Variants in CNTN4 observed in about 807,000 individuals in gnomAD.
CNTN4 encodes the protein contactin-4.
A neutral mutation model predicts 122.5 loss-of-function variants in CNTN4; 77 were observed. The observed-to-expected ratio is 0.63, with a 90% CI of 0.52 to 0.76. CNTN4 has a LOEUF of 0.76. CNTN4 is among the 30% of genes least tolerant of loss of function. CNTN4 has a pLI of 0.00. For synonymous variants in CNTN4, 512 were observed against 447.0 expected, an observed-to-expected ratio of 1.15 and a Z score of -1.83; for missense variants, 1,256 against 1,259.1, an observed-to-expected ratio of 1.00 and a Z score of 0.04.
chr3:2,429,284 T>G (rs150742532), intron 3 of CNTN4, among the ~76,000 whole-genome samples: 10,292 of 152,272 alleles, frequency 0.068, 493 homozygotes, highest in Non-Finnish European at 0.1. Context: ...TTCTGTTTGT[T>G]AGTTTTCCTT....
chr3:2,279,195 A>G (rs971215341), intron 2 of CNTN4, among the ~76,000 whole-genome samples: 2 of 149,796 alleles, frequency 1.3e-5, no homozygotes, highest in Admixed American at 6.6e-5. Context: ...AGGAATAAGG[A>G]TTAATAAATT....
chr3:2,701,204 C>G (rs568648926), intron 4 of CNTN4, among the ~76,000 whole-genome samples: 14 of 152,204 alleles, frequency 9.2e-5, no homozygotes, highest in Admixed American at 4.6e-4. Flanking sequence ...CCTTCCTTGC[C>G]CCACTTAGCA....
chr3:2,378,591 G>C (rs1239273556), intron 3 of CNTN4, among the ~76,000 whole-genome samples: 1 of 152,058 alleles, frequency 6.6e-6, no homozygotes, highest in East Asian at 1.9e-4. Context: ...ACTGTGCTAG[G>C]TGCTTGGTTT....
chr3:2,575,832 T>A (rs1475217858), intron 4 of CNTN4, among the ~76,000 whole-genome samples: 6 of 45,644 alleles, frequency 1.3e-4, no homozygotes, highest in African/African-American at 4.4e-4. Context: ...TTTTTTTTTT[T>A]TTTTTGTGAG....
chr3:3,026,082 GT>G lies in CNTN4; in HGVS notation c.1487-16del. ...ACAGACTTTGTTGTTGTTATTGTTTGTTTTGTTTTAACTCTCCAGATCCAAC... is the reference window on the plus strand; with the variant it reads ...ACAGACTTTGTTGTTGTTATTGTTTGTTTGTTTTAACTCTCCAGATCCAAC... On this transcript the variant is annotated intron_variant, in intron 14 of 24. Transcript: ENST00000418658. 8 of 1,609,660 alleles carry G rather than the reference GT, an allele frequency of 5.0e-6. No homozygotes were observed. Among genetic ancestry groups the G allele is most frequent in the Non-Finnish European group, 6.8e-6 (8 of 1,176,430 alleles).
At chr3:2,160,437 T>C (rs2035910949) in intron 2 of CNTN4, among the ~76,000 whole-genome samples, 1 of 152,202 alleles carries the variant, frequency 6.6e-6, no homozygotes, top group South Asian at 2.1e-4. Flanking sequence ...TATCTTGCTA[T>C]GACTTCTGGC....
intron 10 of CNTN4, among the ~76,000 whole-genome samples, chr3:2,897,841 A>G (rs889010044): frequency 6.6e-6 from 1 of 152,206 alleles, no homozygotes; most frequent in South Asian, 2.1e-4. Flanking sequence ...TCTTCAGATT[A>G]GGGATGTTCA....
At chr3:2,115,710 A>G (rs1180866132) in intron 2 of CNTN4, among the ~76,000 whole-genome samples, 1 of 152,220 alleles carries the variant, frequency 6.6e-6, no homozygotes, top group Admixed American at 6.5e-5. Flanking sequence ...GCTTTATTCA[A>G]AGGGAATTCT....
intron 13 of CNTN4, among the ~76,000 whole-genome samples, chr3:2,979,873 C>T (rs1693793213): frequency 6.6e-6 from 1 of 152,100 alleles, no homozygotes; most frequent in Non-Finnish European, 1.5e-5. Flanking sequence ...ACGCTGTCTC[C>T]CTCTACAGCA....
rs535176565 is a variant in CNTN4, at chr3:2,969,336, G to T, written c.1359-19009G>T. 3.0e-4 allele frequency among the ~76,000 whole-genome samples: 46 copies of T among 152,166 alleles called. 1 individual carries two copies. Among genetic ancestry groups the T allele is most frequent in the African/African-American group, 1.1e-3 (45 of 41,500 alleles). On this transcript the variant is annotated intron_variant, in intron 13 of 24. Transcript: ENST00000418658. ...AGGATGACACACATTTATCCTGATTGGTCTAGGCTAGGTCAGGTGTCCACT... is the reference window on the plus strand; with the variant it reads ...AGGATGACACACATTTATCCTGATTTGTCTAGGCTAGGTCAGGTGTCCACT...
intron 18 of CNTN4, 35 bp from the exon 19 acceptor site, chr3:3,038,897 CG>C (rs1559820032): frequency 6.3e-7 from 1 of 1,599,514 alleles, no homozygotes; most frequent in Admixed American, 1.7e-5. Flanking sequence ...TCGCCTTTGC[CG>C]CCTGACATAA....
intron 7 of CNTN4, among the ~76,000 whole-genome samples, chr3:2,852,076 A>G (rs192630078): frequency 6.9e-4 from 105 of 152,306 alleles, no homozygotes; most frequent in African/African-American, 2.5e-3. Flanking sequence ...GTTTCTTCCC[A>G]GATCTCAGTT....
chr3:2,477,015 A>G (rs935111085), intron 3 of CNTN4, among the ~76,000 whole-genome samples: 4 of 152,186 alleles, frequency 2.6e-5, no homozygotes, highest in African/African-American at 9.6e-5. Flanking sequence ...TGGAAGGGAT[A>G]ACTAATGGCT....
intron 3 of CNTN4, among the ~76,000 whole-genome samples, chr3:2,340,710 T>TATATATATATAGAGAGAG: frequency 8.7e-4 from 16 of 18,304 alleles, no homozygotes; most frequent in Non-Finnish European, 9.7e-4. Context: ...TATATATATA[T>TATATATATATAGAGAGAG]AGAGAGAGAG....
chr3:2,419,085 C>T (rs1358328464), intron 3 of CNTN4, among the ~76,000 whole-genome samples: 8 of 151,982 alleles, frequency 5.3e-5, no homozygotes, highest in East Asian at 1.9e-4. Flanking sequence ...ATATGGTTCA[C>T]GTTTAAAAAT....
At chr3:2,809,983 G>A (rs571689102) in intron 6 of CNTN4, among the ~76,000 whole-genome samples, 1 of 152,330 alleles carries the variant, frequency 6.6e-6, no homozygotes, top group East Asian at 1.9e-4. Context: ...GGGCAGCCAA[G>A]CAACGTTTAT....
intron 10 of CNTN4, among the ~76,000 whole-genome samples, chr3:2,892,559 T>C (rs937768564): frequency 6.6e-6 from 1 of 152,236 alleles, no homozygotes; most frequent in African/African-American, 2.4e-5. Flanking sequence ...ATTCACTTGG[T>C]AATTATTCAT....
chr3:2,312,176 G>C (rs929997342), intron 2 of CNTN4, among the ~76,000 whole-genome samples: 9 of 151,928 alleles, frequency 5.9e-5, no homozygotes, highest in Non-Finnish European at 5.9e-5. Context: ...AGGTATAGTG[G>C]TGCACACCTC....
At chr3:2,632,658 C>A (rs999376224) in intron 4 of CNTN4, among the ~76,000 whole-genome samples, 2 of 152,108 alleles carry the variant, frequency 1.3e-5, no homozygotes, top group African/African-American at 4.8e-5. Flanking sequence ...CCAATGGTGC[C>A]AAAATATTGT....
Sources: allele counts gnomAD v4.1 joint callset (sites outside exome capture counted in the v4.1 genomes callset), GRCh38; gene constraint gnomAD v4.1.1; transcripts MANE v1.5; gene names NCBI Gene and HGNC (gene_info 2026-07-23, HGNC 2026-07-21).